SMYD3: variants seen among roughly 807,000 people sequenced by gnomAD.
SMYD3 encodes the protein SET and MYND domain containing 3.
Under a neutral mutation model 57.7 loss-of-function variants are expected in SMYD3, and 36 were observed. That is an observed-to-expected ratio of 0.62 (90% CI 0.48 to 0.82). SMYD3 has a LOEUF of 0.82. SMYD3 is among the 40% of genes least tolerant of loss of function. The pLI, the probability that SMYD3 is intolerant of heterozygous loss-of-function variation, is 0.00. For missense variants in SMYD3, 515 were observed against 538.8 expected (o/e 0.96, Z 0.44); for synonymous variants, 211 against 195.0 (o/e 1.08, Z -0.68).
At chr1:246,074,467 T>A (rs1246588687) in intron 5 of SMYD3, among the ~76,000 whole-genome samples, 4 of 151,298 alleles carry the variant, frequency 2.6e-5, no homozygotes, top group Admixed American at 2.6e-4. Flanking sequence ...ATACCAAATA[T>A]AACAACTATA....
At chr1:246,386,884 TTC>T (rs2066491590) in intron 1 of SMYD3, among the ~76,000 whole-genome samples, 1 of 140,368 alleles carries the variant, frequency 7.1e-6, no homozygotes, top group Non-Finnish European at 1.6e-5. Flanking sequence ...ATGTTATACT[TTC>T]TGATATAAAA....
chr1:246,118,567 CTG>C (rs2061375707), intron 5 of SMYD3, among the ~76,000 whole-genome samples: 1 of 152,208 alleles, frequency 6.6e-6, no homozygotes, highest in Non-Finnish European at 1.5e-5. Flanking sequence ...AACGCACAAA[CTG>C]TGGCGTGTTC....
intron 11 of SMYD3, among the ~76,000 whole-genome samples, chr1:245,752,700 A>G (rs2148008416): frequency 6.6e-6 from 1 of 152,272 alleles, no homozygotes; most frequent in East Asian, 1.9e-4. Flanking sequence ...AACTACTTCC[A>G]GTTCTTCAGC....
rs78111153 is a variant in SMYD3, at chr1:245,836,651, T to C, written c.1076+21845A>G. ...AAGCTGGCCTTGCTTGTGGCATCCA[T>C]TCTTCAGGGCTTGTACCTGCTCTTA... On this transcript the variant is annotated intron_variant, in intron 10 of 11. Coordinates refer to ENST00000490107, the MANE Select transcript of SMYD3 (RefSeq NM_001167740.2). Among the ~76,000 whole-genome samples the C allele has an allele frequency of 5.6e-3, 856 of 152,306 alleles. 20 individuals carry two copies. The highest frequency in any genetic ancestry group is 0.02 in the African/African-American group (824 of 41,558).
intron 5 of SMYD3, among the ~76,000 whole-genome samples, chr1:246,036,330 A>G (rs530592692): frequency 6.6e-6 from 1 of 152,262 alleles, no homozygotes; most frequent in African/African-American, 2.4e-5. Flanking sequence ...AACTTATTTT[A>G]ATCAGTATTC....
intron 5 of SMYD3, among the ~76,000 whole-genome samples, chr1:246,032,010 C>T (rs919665007): frequency 2.6e-5 from 4 of 152,126 alleles, no homozygotes; most frequent in Admixed American, 1.3e-4. Flanking sequence ...CTTACACCCT[C>T]GAAGCAACGT....
chr1:246,111,682 C>T lies in SMYD3; in HGVS notation c.532-181745G>A, dbSNP rs143363462. ...CCAAAGTCCCCTCAAATAACCAAAA[C>T]GGTGCACATCCCCTTTGCGTCCCAC... On this transcript the variant is annotated intron_variant, in intron 5 of 11. Transcript: ENST00000490107. 2.8e-4 allele frequency among the ~76,000 whole-genome samples: 42 copies of T among 152,280 alleles called. 1 individual carries two copies. The East Asian group carries it at 6.6e-3, about 24-fold the overall frequency.
At chr1:246,392,297 A>G (rs2066586190) in intron 1 of SMYD3, among the ~76,000 whole-genome samples, 1 of 152,238 alleles carries the variant, frequency 6.6e-6, no homozygotes, top group Non-Finnish European at 1.5e-5. Context: ...TTAAAATAGA[A>G]TGACCAGGAA....
In SMYD3 at chr1:246,355,569, C is replaced by G. The variant is rs145841209; in HGVS notation, c.165-475G>C. ...GCAAGTTCTCAGCCACAGTCACCAG[C>G]TGCCTGGAAACAGACTCCGTGCTGC... On this transcript the variant is annotated intron_variant, in intron 1 of 11. Coordinates refer to ENST00000490107, the MANE Select transcript of SMYD3 (RefSeq NM_001167740.2). This position sits in a 1 kb window ranked among gnomAD's most constrained non-coding sequence, Gnocchi z 5.0. Among the ~76,000 whole-genome samples, 499 of 152,266 alleles carry G rather than the reference C, an allele frequency of 3.3e-3. 1 individual carries two copies. The highest frequency in any genetic ancestry group is 0.015 in the South Asian group (72 of 4,822).
At chr1:246,043,368 T>A (rs7533650) in intron 5 of SMYD3, among the ~76,000 whole-genome samples, 51,704 of 152,068 alleles carry the variant, frequency 0.34, 10,036 homozygotes, top group East Asian at 0.8. Flanking sequence ...CATAAAATGC[T>A]TCAACACCCA....
At chr1:246,487,735 C>A (rs2068209938) in intron 1 of SMYD3, among the ~76,000 whole-genome samples, 1 of 148,586 alleles carries the variant, frequency 6.7e-6, no homozygotes, top group Non-Finnish European at 1.5e-5. Context: ...ACTCTTGTTG[C>A]CCAGGCTGGA....
intron 10 of SMYD3, among the ~76,000 whole-genome samples, chr1:245,784,606 G>C (rs2046960423): frequency 6.6e-6 from 1 of 152,104 alleles, no homozygotes; most frequent in Non-Finnish European, 1.5e-5. Flanking sequence ...ATCAACAAGA[G>C]TACTTAAGTG....
chr1:246,459,264 T>TA (rs1190468349), intron 1 of SMYD3, among the ~76,000 whole-genome samples: 7 of 149,670 alleles, frequency 4.7e-5, no homozygotes, highest in Admixed American at 1.3e-4. Context: ...GTTCTCGTGA[T>TA]AGAGTCCTCA....
intron 1 of SMYD3, among the ~76,000 whole-genome samples, chr1:246,378,726 T>TATATATAATTATATATAATATA (rs58702520): frequency 0.46 from 40,742 of 89,396 alleles, 9,567 homozygotes; most frequent in Middle Eastern, 0.55. Context: ...TATAATATAT[T>TATATATAATTATATATAATATA]ATATATTATA....
chr1:246,098,136 A>AAAT (rs1295945693), intron 5 of SMYD3, among the ~76,000 whole-genome samples: 1 of 152,230 alleles, frequency 6.6e-6, no homozygotes, highest in Non-Finnish European at 1.5e-5. Context: ...AATTGGGTAA[A>AAAT]ACTATATCTA....
chr1:246,131,022 C>T (rs1425034598), intron 5 of SMYD3, among the ~76,000 whole-genome samples: 1 of 152,130 alleles, frequency 6.6e-6, no homozygotes, highest in Non-Finnish European at 1.5e-5. Flanking sequence ...AGATAAAGTC[C>T]TTTCCATGGG....
chr1:245,895,625 C>T (rs1324720972), intron 8 of SMYD3, among the ~76,000 whole-genome samples: 4 of 152,224 alleles, frequency 2.6e-5, no homozygotes, highest in Non-Finnish European at 5.9e-5. Flanking sequence ...AACTTTTGCG[C>T]TAACATTCTT....
chr1:246,285,677 A>C (rs2064545531), intron 5 of SMYD3, among the ~76,000 whole-genome samples: 1 of 152,210 alleles, frequency 6.6e-6, no homozygotes, highest in African/African-American at 2.4e-5. Context: ...TTGGCATGGC[A>C]AAAGGAACAG....
At chr1:246,177,019 T>C (rs952396799) in intron 5 of SMYD3, among the ~76,000 whole-genome samples, 11 of 152,234 alleles carry the variant, frequency 7.2e-5, no homozygotes, top group Admixed American at 2.6e-4. Flanking sequence ...TTTTTAGGCC[T>C]GCTGTTTGGA....
Sources: gnomAD v4.1 joint callset for allele counts (sites outside exome capture counted in the v4.1 genomes callset) on GRCh38, gnomAD v4.1.1 for gene constraint, Gnocchi (gnomAD v3.1) non-coding constraint, MANE v1.5 for transcripts, NCBI Gene and HGNC (gene_info 2026-07-23, HGNC 2026-07-21) for gene names.